Variants in EEFSEC observed in about 807,000 individuals in gnomAD.
The protein encoded by EEFSEC is eukaryotic elongation factor, selenocysteine-tRNA specific.
Under a neutral mutation model 42.1 loss-of-function variants are expected in EEFSEC, and 43 were observed. The observed-to-expected ratio is 1.02, with a 90% CI of 0.80 to 1.32. The LOEUF is 1.32. Among genes scored for constraint, EEFSEC ranks in the 40% most tolerant of loss-of-function variants. The probability of loss-of-function intolerance (pLI) is 0.00; values close to 1 mark genes in which losing one functional copy is unlikely to be tolerated. For synonymous variants in EEFSEC, 354 were observed against 339.1 expected, an observed-to-expected ratio of 1.04 and a Z score of -0.48; for missense variants, 745 against 803.6, an observed-to-expected ratio of 0.93 and a Z score of 0.88.
intron 4 of EEFSEC, among the ~76,000 whole-genome samples, chr3:128,272,924 CACAGCTCA>C (rs2066429569): frequency 6.6e-6 from 1 of 152,320 alleles, no homozygotes; most frequent in South Asian, 2.1e-4. Context: ...TCCACACCAT[CACAGCTCA>C]GGTGCTGGAC....
chr3:128,257,160 T>G (rs1345144194), intron 2 of EEFSEC, among the ~76,000 whole-genome samples: 2 of 152,258 alleles, frequency 1.3e-5, no homozygotes, highest in Non-Finnish European at 2.9e-5. Flanking sequence ...TTCTGGCTTT[T>G]TCTATCCAAG....
At chr3:128,322,150 G>A (rs1016082785) in intron 4 of EEFSEC, among the ~76,000 whole-genome samples, 6 of 152,210 alleles carry the variant, frequency 3.9e-5, no homozygotes, top group African/African-American at 1.4e-4. Flanking sequence ...CCAGCTTGGG[G>A]CACATGTGTC....
intron 6 of EEFSEC, among the ~76,000 whole-genome samples, chr3:128,405,048 G>A (rs964573359): frequency 1.5e-4 from 22 of 146,654 alleles, no homozygotes; most frequent in Non-Finnish European, 3.0e-5. Context: ...ACTGAGTCTC[G>A]CTCTGTTGCC....
chr3:128,269,338 T>C (rs1180553682), intron 4 of EEFSEC, among the ~76,000 whole-genome samples: 1 of 152,240 alleles, frequency 6.6e-6, no homozygotes, highest in Non-Finnish European at 1.5e-5. Flanking sequence ...GCCATGCTGC[T>C]GTGCTTTGCT....
At chr3:128,287,981 G>C (rs528715778) in intron 4 of EEFSEC, among the ~76,000 whole-genome samples, 3 of 124,264 alleles carry the variant, frequency 2.4e-5, no homozygotes, top group Non-Finnish European at 4.7e-5. Flanking sequence ...AAAAAACTCT[G>C]TCTTTGAAGA....
rs929763108 is a variant in EEFSEC, at chr3:128,264,644, A to G, written c.649A>G (p.Thr217Ala). The change falls in exon 4 of 7, where the codon ACG becomes GCG. Residue 217 changes from threonine to alanine, a missense_variant. Coordinates refer to ENST00000254730, the MANE Select transcript of EEFSEC (RefSeq NM_021937.5). ...CCTGACGTCCCAGATTTCCATCCCA[A>G]CGAGAGATCCCTCGGGACCGTTCCT... ...ELLTSQISIP[T>A]RDPSGPFLMS... is the part of the protein sequence containing the mutation. 6.2e-7 allele frequency: 1 copy of G among 1,613,616 alleles called. No homozygotes were observed. The highest frequency in any genetic ancestry group is 8.5e-7 in the Non-Finnish European group (1 of 1,179,802).
At chr3:128,241,201 CTTTTT>C (rs373420882) in intron 1 of EEFSEC, among the ~76,000 whole-genome samples, 55 of 80,668 alleles carry the variant, frequency 6.8e-4, no homozygotes, top group Middle Eastern at 0.012. Flanking sequence ...CTCTCTCTCT[CTTTTT>C]TTTTTTTTTT....
At chr3:128,391,623 C>T (rs2067914162) in intron 6 of EEFSEC, among the ~76,000 whole-genome samples, 2 of 152,180 alleles carry the variant, frequency 1.3e-5, no homozygotes, top group Admixed American at 6.5e-5. Context: ...CCGATGGGCT[C>T]TTCTCTCTCA....
chr3:128,320,511 G>A (rs2066995702), intron 4 of EEFSEC, among the ~76,000 whole-genome samples: 1 of 152,194 alleles, frequency 6.6e-6, no homozygotes, highest in African/African-American at 2.4e-5. Context: ...TTAGAGAGGT[G>A]ACATCCCTGG....
intron 5 of EEFSEC, among the ~76,000 whole-genome samples, chr3:128,350,735 A>C (rs371683086): frequency 2.0e-5 from 3 of 152,178 alleles, no homozygotes; most frequent in African/African-American, 7.2e-5. Flanking sequence ...TGATGGACTG[A>C]GCTGGGCACA....
Position 128,341,505 on chromosome 3 carries a change from T to A in EEFSEC, c.1059T>A (p.Pro353=). 6.2e-7 allele frequency: 1 copy of A among 1,614,188 alleles called. No homozygotes were observed. Residue 353 remains proline, a synonymous_variant, in exon 5 of 7, where the codon CCT becomes CCA. Transcript: ENST00000254730. Reference sequence around the variant, plus strand: ...TGGGCCGGTTGATGTTCTTCAGTCCTGCTCCAGATAACTTTGACCAGGAGC... The same window carrying A: ...TGGGCCGGTTGATGTTCTTCAGTCCAGCTCCAGATAACTTTGACCAGGAGC... ...TVMGRLMFFS[P]APDNFDQEPI...
chr3:128,184,842 T>C (rs2065448740), intron 1 of EEFSEC, among the ~76,000 whole-genome samples: 1 of 152,136 alleles, frequency 6.6e-6, no homozygotes, highest in Non-Finnish European at 1.5e-5. Flanking sequence ...AACTCTGCAG[T>C]GATTGTATTT....
rs1386290635 is a variant in EEFSEC at position 128,341,374 on chromosome 3, C to CA, written c.929dup (p.His310GlnfsTer33). 1 of 1,614,090 alleles carries CA rather than the reference C, an allele frequency of 6.2e-7. No homozygotes were observed. The highest frequency in any genetic ancestry group is 8.5e-7 in the Non-Finnish European group (1 of 1,180,038). On this transcript the variant is annotated frameshift_variant, in exon 5 of 7. Transcript: ENST00000254730. LOFTEE classifies it high-confidence loss of function. ...GTTGGTGTGTGCCCCCGAGTCCCTG[C>CA]ACACTGTCCATGCGGCCCTCATCTC...
intron 2 of EEFSEC, among the ~76,000 whole-genome samples, chr3:128,248,373 C>A (rs1162276162): frequency 6.6e-6 from 1 of 152,192 alleles, no homozygotes; most frequent in Non-Finnish European, 1.5e-5. Flanking sequence ...AGATCCAACA[C>A]CTGCAGCTCT....
chr3:128,279,865 G>A (rs571687291), intron 4 of EEFSEC, among the ~76,000 whole-genome samples: 1 of 152,232 alleles, frequency 6.6e-6, no homozygotes, highest in Non-Finnish European at 1.5e-5. Context: ...AAGGGAACAT[G>A]GCACGGGTGT....
chr3:128,387,848 C>G (rs1323095639), intron 6 of EEFSEC, among the ~76,000 whole-genome samples: 1 of 152,232 alleles, frequency 6.6e-6, no homozygotes, highest in East Asian at 1.9e-4. Context: ...CTGGCAGCCC[C>G]CACCTGATGT....
chr3:128,372,659 A>G (rs2067667551), intron 6 of EEFSEC, among the ~76,000 whole-genome samples: 1 of 152,206 alleles, frequency 6.6e-6, no homozygotes, highest in South Asian at 2.1e-4. Context: ...ACTACCTGAC[A>G]TGCTTTGTTG....
intron 4 of EEFSEC, among the ~76,000 whole-genome samples, chr3:128,289,620 G>C (rs2066622154): frequency 6.6e-6 from 1 of 152,186 alleles, no homozygotes; most frequent in Admixed American, 6.5e-5. Flanking sequence ...TAAAATATAG[G>C]CTTGAGTTTT....
chr3:128,375,146 G>T (rs1206295443), intron 6 of EEFSEC, among the ~76,000 whole-genome samples: 3 of 152,242 alleles, frequency 2.0e-5, no homozygotes, highest in Non-Finnish European at 4.4e-5. Context: ...AAGAAAATGT[G>T]TACCAAGTGC....
Sources: gnomAD v4.1 joint callset for allele counts (sites outside exome capture counted in the v4.1 genomes callset) on GRCh38, gnomAD v4.1.1 for gene constraint, MANE v1.5 for transcripts, NCBI Gene and HGNC (gene_info 2026-07-23, HGNC 2026-07-21) for gene names.